The following PRKG1 variants were observed in gnomAD, a reference collection of about 807,000 sequenced individuals.
PRKG1 encodes the protein cGMP-dependent protein kinase 1.
PRKG1 carries 35 observed loss-of-function variants against 88.1 expected under a neutral mutation model. The observed-to-expected ratio is 0.40, with a 90% confidence interval of 0.30 to 0.53. PRKG1 has a LOEUF of 0.53. Among genes scored for constraint, PRKG1 ranks in the 20% least tolerant of loss-of-function variants. The pLI, the probability that PRKG1 is intolerant of heterozygous loss-of-function variation, is 0.59. For missense variants in PRKG1, 540 were observed against 839.8 expected, an observed-to-expected ratio of 0.64 and a Z score of 4.41; for synonymous variants, 303 against 292.5, an observed-to-expected ratio of 1.04 and a Z score of -0.37.
At chr10:51,460,807 C>T (rs1839724882) in intron 2 of PRKG1, among the ~76,000 whole-genome samples, 1 of 152,108 alleles carries the variant, frequency 6.6e-6, no homozygotes, top group Non-Finnish European at 1.5e-5. Flanking sequence ...GACAGAATTG[C>T]TGCAATATAA....
chr10:51,070,041 C>G (rs192929203), upstream of PRKG1, among the ~76,000 whole-genome samples: 259 of 152,174 alleles, frequency 1.7e-3, 1 homozygote, highest in African/African-American at 5.5e-3. Flanking sequence ...TCCCTGACCC[C>G]TAAGTCAAGC....
intron 7 of PRKG1, among the ~76,000 whole-genome samples, chr10:52,127,038 G>A (rs545440930): frequency 6.6e-6 from 1 of 152,184 alleles, no homozygotes; most frequent in Non-Finnish European, 1.5e-5. Context: ...AGAGGCGAGG[G>A]GATCACTTAG....
At chr10:51,058,716 CATT>C (rs995797706) in intron 1 of PRKG1, among the ~76,000 whole-genome samples, 3 of 152,210 alleles carry the variant, frequency 2.0e-5, no homozygotes, top group African/African-American at 7.2e-5. Context: ...TTGTTTATGA[CATT>C]ATTACCTACT....
At chr10:52,247,526 A>C (rs1841056639) in intron 9 of PRKG1, among the ~76,000 whole-genome samples, 1 of 152,218 alleles carries the variant, frequency 6.6e-6, no homozygotes, top group Non-Finnish European at 1.5e-5. Context: ...TTAAACTTTT[A>C]TCAATTCTAA....
intron 1 of PRKG1, among the ~76,000 whole-genome samples, chr10:51,124,041 C>CCT (rs1372763113): frequency 1.3e-5 from 2 of 152,030 alleles, no homozygotes; most frequent in African/African-American, 4.8e-5. Context: ...GCCCCACCTC[C>CCT]AATACTGGAG....
At chr10:51,255,371 T>A (rs1227555487) in intron 2 of PRKG1, among the ~76,000 whole-genome samples, 1 of 152,076 alleles carries the variant, frequency 6.6e-6, no homozygotes, top group Non-Finnish European at 1.5e-5. Flanking sequence ...GCTTGTGTAG[T>A]CCAGGCTCTC....
chr10:51,366,532 A>C (rs1842593422), intron 2 of PRKG1, among the ~76,000 whole-genome samples: 1 of 151,948 alleles, frequency 6.6e-6, no homozygotes, highest in Admixed American at 6.6e-5. Context: ...ATAAATTAGT[A>C]GACCTGATAA....
intron 4 of PRKG1, among the ~76,000 whole-genome samples, chr10:51,861,450 G>C (rs1395475229): frequency 6.6e-6 from 1 of 152,044 alleles, no homozygotes; most frequent in African/African-American, 2.4e-5. Flanking sequence ...ATATTTATTA[G>C]AACTATTATT....
intron 1 of PRKG1, among the ~76,000 whole-genome samples, chr10:51,124,649 G>A (rs968080146): frequency 6.6e-6 from 1 of 152,168 alleles, no homozygotes; most frequent in African/African-American, 2.4e-5. Context: ...AAGATCTTAT[G>A]TATGAAATTT....
At chr10:51,086,778 C>T (rs1403839935) in intron 1 of PRKG1, among the ~76,000 whole-genome samples, 1 of 152,140 alleles carries the variant, frequency 6.6e-6, no homozygotes, top group Non-Finnish European at 1.5e-5. Context: ...ATACTCTTCT[C>T]GAGTGACCCT....
At chr10:52,134,249 C>T (rs964215398) in intron 8 of PRKG1, among the ~76,000 whole-genome samples, 2 of 152,088 alleles carry the variant, frequency 1.3e-5, no homozygotes, top group African/African-American at 4.8e-5. Context: ...TCAACCAATG[C>T]TAGTTATTTT....
intron 3 of PRKG1, among the ~76,000 whole-genome samples, chr10:51,617,491 C>A (rs1839090703): frequency 6.6e-6 from 1 of 152,144 alleles, no homozygotes; most frequent in Admixed American, 6.5e-5. Flanking sequence ...TGGAGACTGG[C>A]TTTCCTAGCC....
intron 5 of PRKG1, among the ~76,000 whole-genome samples, chr10:51,967,656 A>G (rs992374415): frequency 6.6e-6 from 1 of 152,014 alleles, no homozygotes; most frequent in African/African-American, 2.4e-5. Flanking sequence ...TGACTTCAGT[A>G]TTGTTGACTT....
intron 3 of PRKG1, among the ~76,000 whole-genome samples, chr10:51,704,046 A>G (rs555668882): frequency 6.6e-6 from 1 of 151,498 alleles, no homozygotes; most frequent in African/African-American, 2.4e-5. Flanking sequence ...TTGGAGGCCA[A>G]GGTTTGAGGA....
intron 5 of PRKG1, among the ~76,000 whole-genome samples, chr10:51,957,070 C>T (rs1843322691): frequency 1.3e-5 from 2 of 148,890 alleles, no homozygotes; most frequent in Admixed American, 6.7e-5. Context: ...CCCATCTCCT[C>T]TCTCTCTTTC....
chr10:51,248,683 A>G (rs1281134122), intron 2 of PRKG1, among the ~76,000 whole-genome samples: 3 of 151,836 alleles, frequency 2.0e-5, no homozygotes, highest in Admixed American at 1.3e-4. Context: ...AAGAAGTGCT[A>G]ACTGAAATAG....
intron 10 of PRKG1, 83 bp downstream of exon 10, chr10:52,251,749 C>T: frequency 8.6e-7 from 1 of 1,162,236 alleles, no homozygotes; most frequent in Non-Finnish European, 1.2e-6. Context: ...TCTTTCTTTT[C>T]TCTTGTTTTG....
chr10:52,207,146 G>C (rs545396667), intron 9 of PRKG1, among the ~76,000 whole-genome samples: 1 of 152,342 alleles, frequency 6.6e-6, no homozygotes, highest in East Asian at 1.9e-4. Flanking sequence ...ACACATGTGT[G>C]CCAGCAGGGG....
intron 10 of PRKG1, 62 bp downstream of exon 10, chr10:52,251,728 A>G (rs545763808): frequency 7.6e-7 from 1 of 1,312,418 alleles, no homozygotes; most frequent in Admixed American, 1.9e-5. Context: ...TTTTTCCCCT[A>G]GATTAAGATT....
Sources: gnomAD v4.1 joint callset for allele counts (sites outside exome capture counted in the v4.1 genomes callset) on GRCh38, gnomAD v4.1.1 for gene constraint, MANE v1.5 for transcripts, NCBI Gene and HGNC (gene_info 2026-07-23, HGNC 2026-07-21) for gene names.